The following COL22A1 variants were observed in gnomAD, a reference collection of about 807,000 sequenced individuals.
COL22A1 encodes collagen type XXII alpha 1 chain.
In COL22A1, 221 loss-of-function variants were observed where a neutral mutation model predicts 248.9. The observed-to-expected ratio is 0.89, with a 90% CI of 0.80 to 0.99. The LOEUF (loss-of-function observed/expected upper bound fraction) is 0.99. COL22A1 is among the 50% of genes least tolerant of loss of function. The pLI is 0.00. For missense variants in COL22A1, 2,240 were observed against 2,179.0 expected (o/e 1.03, Z -0.56); for synonymous variants, 891 against 793.4 (o/e 1.12, Z -2.07).
chr8:138,742,700 GTGA>G (rs540763100), intron 22 of COL22A1, among the ~76,000 whole-genome samples: 305 of 150,544 alleles, frequency 2.0e-3, no homozygotes, highest in African/African-American at 7.0e-3. Flanking sequence ...GGAGTTGATG[GTGA>G]TGATGATGGT....
At chr8:138,893,860 T>A (rs1825223589) in intron 1 of COL22A1, among the ~76,000 whole-genome samples, 1 of 152,190 alleles carries the variant, frequency 6.6e-6, no homozygotes, top group Non-Finnish European at 1.5e-5. Context: ...TCAGTGGACA[T>A]GGTGTCATGG....
intron 38 of COL22A1, 26 bp from the exon 39 acceptor site, chr8:138,684,495 A>T: frequency 6.3e-7 from 1 of 1,575,180 alleles, no homozygotes; most frequent in Non-Finnish European, 8.7e-7. Flanking sequence ...ATACAAGGAC[A>T]ATCATGGAGC....
At chr8:138,829,040 C>T (rs113912048) in intron 5 of COL22A1, among the ~76,000 whole-genome samples, 16 of 152,312 alleles carry the variant, frequency 1.1e-4, no homozygotes, top group African/African-American at 3.4e-4. Context: ...AGTGGGGAGG[C>T]GTCTGAGTTC....
At position 138,819,760 on chromosome 8, in the gene COL22A1, TCA is replaced by T. The variant is rs568160983; in HGVS notation, c.1245+1374_1245+1375del. On this transcript the variant is annotated intron_variant, in intron 7 of 64. Coordinates refer to ENST00000303045, the MANE Select transcript of COL22A1 (RefSeq NM_152888.3). ...ATTTACACACAACATATATATATAT[TCA>T]CACACACACATACATACACACATAT... Among the ~76,000 whole-genome samples, 1,029 of 149,882 alleles carry T rather than the reference TCA, an allele frequency of 6.9e-3. 6 individuals carry two copies. The highest frequency in any genetic ancestry group is 0.024 in the African/African-American group (967 of 41,128).
intron 50 of COL22A1, among the ~76,000 whole-genome samples, chr8:138,629,777 A>AATGCCCTTTGCAC (rs55973505): frequency 0.81 from 123,048 of 151,238 alleles, 51,396 homozygotes; most frequent in Middle Eastern, 0.92. Flanking sequence ...ATTAAGTAAT[A>AATGCCCTTTGCAC]ATGCCCTTTG....
At chr8:138,765,791 A>G (rs1833869362) in intron 16 of COL22A1, among the ~76,000 whole-genome samples, 1 of 152,152 alleles carries the variant, frequency 6.6e-6, no homozygotes, top group Non-Finnish European at 1.5e-5. Context: ...AGAGAGAGAA[A>G]GAGTGAAGCT....
rs1815485195 is a variant in COL22A1, at chr8:138,912,035, T to C, written c.-73+1584A>G. ...GCTTCCTGCTGAAGCTCCCCAGGTG[T>C]GTGAAACAGAAGCAAACTAAGATAT... On this transcript the variant is annotated intron_variant, in intron 1 of 64. Coordinates refer to ENST00000303045, the MANE Select transcript of COL22A1 (RefSeq NM_152888.3). 2.0e-5 allele frequency among the ~76,000 whole-genome samples: 3 copies of C among 152,150 alleles called. No individual in the cohort carries two copies. In the South Asian group the frequency reaches 6.2e-4, roughly 32 times the overall value.
chr8:138,684,547 TGCA>T, intron 38 of COL22A1, 78 bp from the exon 39 acceptor site: 1 of 980,486 alleles, frequency 1.0e-6, no homozygotes. Context: ...CCAGGCTGAC[TGCA>T]TCCTCTGCTG....
At chr8:138,591,852 C>T (rs1817082256) in intron 63 of COL22A1, among the ~76,000 whole-genome samples, 1 of 152,204 alleles carries the variant, frequency 6.6e-6, no homozygotes, top group South Asian at 2.1e-4. Context: ...CAACTGTATA[C>T]ATACACTCAT....
intron 10 of COL22A1, among the ~76,000 whole-genome samples, chr8:138,806,097 ATGG>A (rs1445132876): frequency 3.9e-4 from 9 of 23,240 alleles, no homozygotes; most frequent in Admixed American, 1.3e-3. Flanking sequence ...ATGGTGTGTG[ATGG>A]TGTGTTTGTG....
intron 44 of COL22A1, among the ~76,000 whole-genome samples, chr8:138,658,056 G>A (rs1459522384): frequency 6.6e-6 from 1 of 152,130 alleles, no homozygotes; most frequent in Admixed American, 6.5e-5. Flanking sequence ...AATCCCCACT[G>A]CAGGCTGTGC....
intron 3 of COL22A1, among the ~76,000 whole-genome samples, chr8:138,844,860 G>C (rs181401424): frequency 2.4e-3 from 355 of 150,478 alleles, no homozygotes; most frequent in Non-Finnish European, 4.1e-3. Flanking sequence ...TGAGGCAGGA[G>C]AATGGTGTGA....
At chr8:138,704,112 A>C (rs1828202165) in intron 30 of COL22A1, among the ~76,000 whole-genome samples, 1 of 152,194 alleles carries the variant, frequency 6.6e-6, no homozygotes, top group South Asian at 2.1e-4. Context: ...TGAGTAGGTA[A>C]ACAAAGCAGC....
At chr8:138,758,250 T>A (rs992246225) in intron 18 of COL22A1, among the ~76,000 whole-genome samples, 4 of 152,190 alleles carry the variant, frequency 2.6e-5, no homozygotes, top group Non-Finnish European at 4.4e-5. Context: ...GAGATAACTA[T>A]TAATGTGTCC....
chr8:138,866,256 G>A (rs543505214), intron 3 of COL22A1, among the ~76,000 whole-genome samples: 9 of 152,242 alleles, frequency 5.9e-5, no homozygotes, highest in Admixed American at 3.3e-4. Flanking sequence ...GCATAACCCC[G>A]TATCCCTACT....
chr8:138,694,711 T>C, intron 33 of COL22A1, 115 bp downstream of exon 33: 1 of 1,399,420 alleles, frequency 7.1e-7, no homozygotes, highest in Non-Finnish European at 1.0e-6. Flanking sequence ...CTGCCTTCCA[T>C]TCAGTGTGGC....
chr8:138,698,572 C>T (rs1435398042), intron 32 of COL22A1, among the ~76,000 whole-genome samples: 1 of 152,214 alleles, frequency 6.6e-6, no homozygotes, highest in Non-Finnish European at 1.5e-5. Context: ...GGGAGTTCCT[C>T]ATGCAGTGAG....
At chr8:138,663,588 A>C (rs1231550961) in intron 42 of COL22A1, 117 bp downstream of exon 42, 5 of 802,866 alleles carry the variant, frequency 6.2e-6, no homozygotes, top group Non-Finnish European at 1.1e-5. Flanking sequence ...ACTGTTCAAT[A>C]ATAGGAGGAA....
intron 15 of COL22A1, among the ~76,000 whole-genome samples, chr8:138,776,908 C>G (rs1260938994): frequency 6.6e-6 from 1 of 152,176 alleles, no homozygotes; most frequent in Non-Finnish European, 1.5e-5. Flanking sequence ...AGGCTACTGC[C>G]CTACTCTGAG....
Sources: allele counts gnomAD v4.1 joint callset (sites outside exome capture counted in the v4.1 genomes callset), GRCh38; gene constraint gnomAD v4.1.1; transcripts MANE v1.5; gene names NCBI Gene and HGNC (gene_info 2026-07-23, HGNC 2026-07-21).